Variants in UNC79 observed in about 807,000 individuals in gnomAD.
The protein encoded by UNC79 is unc-79 subunit of NALCN channel complex, also known as protein unc-79 homolog.
In UNC79, 37 loss-of-function variants were observed where a neutral mutation model predicts 283.1. The observed-to-expected ratio is 0.13, with a 90% CI of 0.10 to 0.17. The LOEUF is 0.17. Ranked by LOEUF, UNC79 falls within the 10% of genes least tolerant of loss-of-function variation. The pLI is 1.00. For synonymous variants in UNC79, 1,107 were observed against 1,200.2 expected (o/e 0.92, Z 1.61); for missense variants, 2,272 against 3,211.1 (o/e 0.71, Z 7.07).
chr14:93,389,164 GCTC>G (rs2054834684), intron 1 of UNC79, among the ~76,000 whole-genome samples: 1 of 152,136 alleles, frequency 6.6e-6, no homozygotes, highest in Non-Finnish European at 1.5e-5. Context: ...GGTTAGGATG[GCTC>G]CTCAAGGCAA....
chr14:93,549,088 G>A (rs2141272900), intron 14 of UNC79, among the ~76,000 whole-genome samples: 1 of 152,276 alleles, frequency 6.6e-6, no homozygotes, highest in Non-Finnish European at 1.5e-5. Context: ...GCTAAAAGCA[G>A]ATAAACTTAT....
At chr14:93,516,456 G>GC (rs893838309) in intron 7 of UNC79, among the ~76,000 whole-genome samples, 2 of 119,880 alleles carry the variant, frequency 1.7e-5, no homozygotes, top group African/African-American at 3.1e-5. Context: ...TTTTTGGGGG[G>GC]GGGGGTGGGG....
chr14:93,541,692 G>T (rs1336649980), intron 13 of UNC79, among the ~76,000 whole-genome samples: 1 of 152,100 alleles, frequency 6.6e-6, no homozygotes, highest in Non-Finnish European at 1.5e-5. Flanking sequence ...CATAGTAAAT[G>T]AATGAATGAT....
intron 7 of UNC79, among the ~76,000 whole-genome samples, chr14:93,501,827 A>G (rs2059306000): frequency 6.6e-6 from 1 of 152,218 alleles, no homozygotes; most frequent in Non-Finnish European, 1.5e-5. Context: ...ATTGTATGTA[A>G]TTACACAAGG....
chr14:93,566,357 C>A (rs1245129201), intron 14 of UNC79, among the ~76,000 whole-genome samples: 5 of 152,152 alleles, frequency 3.3e-5, no homozygotes, highest in African/African-American at 4.8e-5. Context: ...CAAGAATCCT[C>A]CCACTGGTTT....
At position 93,571,567 on chromosome 14, in the gene UNC79, G is replaced by A. The variant is rs112205651; in HGVS notation, c.1756-327G>A. 6.9e-3 allele frequency among the ~76,000 whole-genome samples: 1,044 copies of A among 152,308 alleles called. 12 individuals are homozygous for A. Among genetic ancestry groups the A allele is most frequent in the African/African-American group, 0.024 (981 of 41,560 alleles). On this transcript the variant is annotated intron_variant, in intron 14 of 48. Transcript: ENST00000555664. ...TTTATCAGACTTGAGGAATAAGAAT[G>A]CTCTAATAGTATGCTCATCCTGTTG...
At chr14:93,524,037 G>A (rs2060438722) in exon 8 of UNC79, 11 of 1,614,140 alleles carry the variant, frequency 6.8e-6, no homozygotes, top group Non-Finnish European at 9.3e-6. Flanking sequence ...CAAACCAGCT[G>A]TGAAGGTACT....
At position 93,340,363 on chromosome 14, in the gene UNC79, A is replaced by G. The variant is rs2053677799; in HGVS notation, c.-351+6840A>G. Among the ~76,000 whole-genome samples the G allele has an allele frequency of 2.0e-5, 3 of 149,712 alleles. No homozygotes were observed. The Admixed American group carries it at 2.0e-4, about 10-fold the overall frequency. On this transcript the variant is annotated intron_variant, in intron 1 of 49. Coordinates refer to the UNC79 transcript ENST00000256339. ...AGGCTGAGGCAGGAGAATGGCATGA[A>G]CCCAGGAGGCGGAGCTTGCAGTGAG...
chr14:93,435,299 CTG>C (rs1411368831), intron 1 of UNC79, among the ~76,000 whole-genome samples: 1 of 152,226 alleles, frequency 6.6e-6, no homozygotes, highest in Non-Finnish European at 1.5e-5. Context: ...CATGACTTCT[CTG>C]TATCATTTGA....
intron 41 of UNC79, among the ~76,000 whole-genome samples, chr14:93,679,766 A>G (rs1043222880): frequency 1.3e-4 from 20 of 152,146 alleles, no homozygotes; most frequent in Admixed American, 1.3e-4. Context: ...CATATAATAG[A>G]TATCATGTTT....
chr14:93,606,449 A>G (rs2065894985), intron 26 of UNC79, among the ~76,000 whole-genome samples: 1 of 152,200 alleles, frequency 6.6e-6, no homozygotes, highest in African/African-American at 2.4e-5. Context: ...TTTTTGCATT[A>G]TTATTTACTG....
Position 93,575,173 on chromosome 14 carries a change from T to C in UNC79, c.2186T>C (p.Leu729Pro), listed in dbSNP as rs370344279. The change falls in exon 17 of 49, where the codon CTG becomes CCG. Residue 729 changes from leucine (L) to proline (P), a missense_variant. Leu to Pro is a moderately conservative substitution (Grantham distance 98, BLOSUM62 -3). Around this residue, in one of 11 missense-constraint regions of UNC79, gnomAD observed 356 missense variants for 416.2 expected, o/e 0.86. Coordinates refer to ENST00000555664, the Ensembl canonical transcript of UNC79. Reference sequence around the variant, plus strand: ...CAAAGAAAATCAAGAGTCAGTGAACTGGCAGGGAACCTTGCATCTCGAAGG... The same window carrying C: ...CAAAGAAAATCAAGAGTCAGTGAACCGGCAGGGAACCTTGCATCTCGAAGG... The C allele has an allele frequency of 9.3e-6, 15 of 1,613,870 alleles. No homozygotes were observed. The highest frequency in any genetic ancestry group is 1.6e-4 in the Middle Eastern group (1 of 6,084).
intron 1 of UNC79, among the ~76,000 whole-genome samples, chr14:93,361,252 GAAA>G (rs398057393): frequency 8.1e-6 from 1 of 123,858 alleles, no homozygotes; most frequent in Non-Finnish European, 1.7e-5. Flanking sequence ...GAAAAGAAAA[GAAA>G]AGAAGGAGGC....
intron 19 of UNC79, among the ~76,000 whole-genome samples, chr14:93,581,547 AC>A (rs2063815680): frequency 7.9e-6 from 1 of 126,422 alleles, no homozygotes; most frequent in African/African-American, 3.2e-5. Flanking sequence ...AGGCTGGAGT[AC>A]TGTGGTATGA....
exon 14 of UNC79, chr14:93,542,489 G>C: frequency 6.2e-7 from 1 of 1,614,052 alleles, no homozygotes; most frequent in Non-Finnish European, 8.5e-7. Context: ...CACCCAGTGA[G>C]AACACGCCTA....
At chr14:93,618,140 C>A in intron 28 of UNC79, 52 bp from the exon 30 acceptor site, 2 of 1,558,072 alleles carry the variant, frequency 1.3e-6, no homozygotes, top group South Asian at 2.4e-5. Context: ...GGTGGAAAAG[C>A]TTACCCTCTA....
chr14:93,612,889 G>A, exon 27 of UNC79: 1 of 1,614,128 alleles, frequency 6.2e-7, no homozygotes, highest in Non-Finnish European at 8.5e-7. Context: ...GCTGATTACA[G>A]TGCTCATGAA....
chr14:93,437,053 A>T (rs1233832120), intron 1 of UNC79, among the ~76,000 whole-genome samples: 1 of 152,158 alleles, frequency 6.6e-6, no homozygotes, highest in Admixed American at 6.5e-5. Context: ...GTGTGTGTGT[A>T]TACATATATA....
intron 1 of UNC79, among the ~76,000 whole-genome samples, chr14:93,355,147 A>G (rs376446321): frequency 7.0e-4 from 106 of 151,344 alleles, no homozygotes; most frequent in Middle Eastern, 3.4e-3. Context: ...CTCCTGCCTC[A>G]GCCTCCTGAG....
Sources: gnomAD v4.1 joint callset for allele counts (sites outside exome capture counted in the v4.1 genomes callset) on GRCh38, gnomAD v4.1.1 for gene constraint, gnomAD v4.1.1 regional missense constraint, MANE v1.5 for transcripts, NCBI Gene and HGNC (gene_info 2026-07-23, HGNC 2026-07-21) for gene names.